The following COL18A1 variants were observed in gnomAD, a reference collection of about 807,000 sequenced individuals.
The protein encoded by COL18A1 is collagen alpha-1(XVIII) chain.
COL18A1 carries 133 observed loss-of-function variants against 168.0 expected under a neutral mutation model. That is an observed-to-expected ratio of 0.79 (90% CI 0.69 to 0.91). COL18A1 has a LOEUF of 0.91. Among genes scored for constraint, COL18A1 ranks in the 40% least tolerant of loss-of-function variants. COL18A1 has a pLI of 0.00. For synonymous variants in COL18A1, 949 were observed against 809.0 expected (o/e 1.17, Z -2.94); for missense variants, 2,126 against 1,925.4 (o/e 1.10, Z -1.95).
At position 45,468,369 on chromosome 21, in the gene COL18A1, A is replaced by G; in HGVS notation, c.234A>G (p.Gln78=). 1 of 1,613,846 alleles carries G rather than the reference A, an allele frequency of 6.2e-7. No individual in the cohort carries two copies. The highest frequency in any genetic ancestry group is 8.5e-7 in the Non-Finnish European group (1 of 1,180,046). The part of the protein sequence containing the change: ...YVFGPDANSG[Q]VARYHFPSLF... ...TTGGGCCAGATGCCAACAGTGGCCA[A>G]GTGGCCCGGTACCACTTCCCCAGCC... The change falls in exon 3 of 42, where the codon CAA becomes CAG. Residue 78 remains glutamine, a synonymous_variant. Transcript: ENST00000651438.
chr21:45,477,372 G>T (rs772118136), intron 6 of COL18A1, 39 bp from the exon 7 acceptor site: 2 of 1,562,810 alleles, frequency 1.3e-6, no homozygotes, highest in Admixed American at 3.5e-5. Context: ...GGGGCCACCC[G>T]GGGGGCGTGA....
chr21:45,498,060 C>T lies in COL18A1; in HGVS notation c.2683+399C>T, dbSNP rs1212651579. 6.6e-6 allele frequency: 4 copies of T among 607,200 alleles called. No individual in the cohort carries two copies. Among genetic ancestry groups the T allele is most frequent in the Non-Finnish European group, 1.2e-5 (4 of 342,866 alleles). 37.6% of individuals were successfully genotyped at this position (607,200 alleles called of 1,614,324 possible). On this transcript the variant is annotated intron_variant, in intron 32 of 41. Transcript: ENST00000651438. This position sits in a 1 kb window ranked among gnomAD's most constrained non-coding sequence, Gnocchi z 4.5. Reference sequence around the variant, plus strand: ...TCCAGGGTTTCATGTGGGAAGGAGGCGTTGCCCGACAGGCCGTCTGGAGGG... The same window carrying T: ...TCCAGGGTTTCATGTGGGAAGGAGGTGTTGCCCGACAGGCCGTCTGGAGGG...
intron 32 of COL18A1, among the ~76,000 whole-genome samples, chr21:45,499,115 G>A (rs940205352): frequency 9.2e-5 from 14 of 152,202 alleles, no homozygotes; most frequent in Admixed American, 3.3e-4. Flanking sequence ...TCAACAAAAC[G>A]GGAGAAGCCA....
In COL18A1 at chr21:45,511,188, C is replaced by T. The variant is rs1310158571; in HGVS notation, c.3771C>T (p.Phe1257=). 1 of 1,599,322 alleles carries T rather than the reference C, an allele frequency of 6.3e-7. No individual in the cohort carries two copies. Among genetic ancestry groups the T allele is most frequent in the South Asian group, 1.1e-5 (1 of 88,478 alleles). ...CGCTGAAGCCCGGGGCACGCATCTT[C>T]TCCTTTGACGGCAAGGACGTCCTGA... ...EGPLKPGARI[F]SFDGKDVLRH... is the part of the protein sequence containing the mutation. Residue 1257 remains phenylalanine, a synonymous_variant, in exon 41 of 42, where the codon TTC becomes TTT. Transcript: ENST00000651438.
chr21:45,511,685 C>T (rs969999669), intron 41 of COL18A1, among the ~76,000 whole-genome samples: 3 of 152,280 alleles, frequency 2.0e-5, no homozygotes, highest in Admixed American at 6.5e-5. Context: ...GTGAGCGCCG[C>T]GATTCTTCCA....
At position 45,509,536 on chromosome 21, in the gene COL18A1, G is replaced by A. The variant is rs747402422; in HGVS notation, c.3430G>A (p.Val1144Met). 26 of 1,538,600 alleles carry A rather than the reference G, an allele frequency of 1.7e-5. No homozygotes were observed. Among genetic ancestry groups the A allele is most frequent in the East Asian group, 1.2e-4 (5 of 41,666 alleles). ...CGGAGCCCCGCACCACAGCTCCTACGTGCACCTGCGGCCGGCGCGACCCAC... is the reference window on the plus strand; with the variant it reads ...CGGAGCCCCGCACCACAGCTCCTACATGCACCTGCGGCCGGCGCGACCCAC... ...YPGAPHHSSY[V>M]HLRPARPTSP... The change falls in exon 39 of 42, where the codon GTG (valine) becomes ATG (methionine). Residue 1144 changes from valine to methionine, a missense_variant. Transcript: ENST00000651438.
intron 2 of COL18A1, among the ~76,000 whole-genome samples, chr21:45,466,306 G>T (rs1402096841): frequency 6.6e-6 from 1 of 152,188 alleles, no homozygotes; most frequent in African/African-American, 2.4e-5. Context: ...ATTTAAAGGG[G>T]CCTCTGTTAA....
intron 2 of COL18A1, chr21:45,421,243 G>T: frequency 5.5e-6 from 2 of 365,416 alleles, no homozygotes; most frequent in South Asian, 4.1e-5. Flanking sequence ...CTTGCTTTGA[G>T]CCCCTTGCAA....
At chr21:45,452,865 T>C (rs539538633) in intron 2 of COL18A1, among the ~76,000 whole-genome samples, 2 of 152,354 alleles carry the variant, frequency 1.3e-5, no homozygotes, top group Admixed American at 1.3e-4. Flanking sequence ...GTGGGGCTTG[T>C]GTATGCATGT....
intron 2 of COL18A1, among the ~76,000 whole-genome samples, chr21:45,429,327 C>T (rs1043347784): frequency 6.6e-6 from 1 of 152,218 alleles, no homozygotes; most frequent in African/African-American, 2.4e-5. Context: ...CAGGCATGGG[C>T]GTTGCAGGTG....
intron 2 of COL18A1, among the ~76,000 whole-genome samples, chr21:45,462,497 C>T (rs1477305025): frequency 6.6e-6 from 1 of 152,166 alleles, no homozygotes; most frequent in East Asian, 1.9e-4. Flanking sequence ...TCTTCAAGCT[C>T]ATTAATTTAT....
At chr21:45,447,639 C>T (rs772804095) in intron 2 of COL18A1, among the ~76,000 whole-genome samples, 4 of 152,060 alleles carry the variant, frequency 2.6e-5, no homozygotes, top group Non-Finnish European at 5.9e-5. Context: ...TCAAAGTGAC[C>T]CCAATACTTA....
At chr21:45,489,394 G>A (rs1304742529) in intron 18 of COL18A1, 92 bp from the exon 19 acceptor site, 25 of 941,782 alleles carry the variant, frequency 2.7e-5, no homozygotes, top group Non-Finnish European at 3.9e-5. Context: ...ATGCATCCTG[G>A]GTAACTCACC....
In COL18A1 at chr21:45,498,699, C is replaced by A; in HGVS notation, c.2683+1038C>A. 3.1e-6 allele frequency: 2 copies of A among 645,656 alleles called. No individual in the cohort carries two copies. Among genetic ancestry groups the A allele is most frequent in the East Asian group, 2.7e-5 (1 of 36,688 alleles). 40.0% of individuals were successfully genotyped at this position (645,656 alleles called of 1,614,324 possible). A position where few individuals can be genotyped will look rare whatever the true frequency, so the allele number is the denominator to read the frequency against. On this transcript the variant is annotated intron_variant, in intron 32 of 41. Transcript: ENST00000651438. The surrounding 1 kb of genome is among the most constrained non-coding windows in gnomAD (Gnocchi z 4.5). The stretch of plus-strand genomic sequence containing the variant: ...TTGGATCTCTCAGCGTCACACACGA[C>A]GCCCAGGAAGGAGTGAATGATGCAC...
rs2036136020 is a variant in COL18A1, at chr21:45,486,965, C to T, written c.1806C>T (p.Pro602=). ...CAGGCCCCCCTGGGCCCCCTGGGCCCCCAGGACCAGGACTCCCCGCTGGAT... is the reference window on the plus strand; with the variant it reads ...CAGGCCCCCCTGGGCCCCCTGGGCCTCCAGGACCAGGACTCCCCGCTGGAT... ...GPPGPPGPPG[P]PGPGLPAGFD... is the part of the protein sequence containing the mutation. Residue 602 remains proline (P), a synonymous_variant, in exon 16 of 42, where the codon CCC becomes CCT. Transcript: ENST00000651438. 2.0e-6 allele frequency: 3 copies of T among 1,510,234 alleles called. No individual in the cohort carries two copies. The highest frequency in any genetic ancestry group is 1.3e-5 in the South Asian group (1 of 77,960). 93.6% of individuals were successfully genotyped at this position (1,510,234 alleles called of 1,614,324 possible).
chr21:45,501,743 A>G (rs1300781878), intron 32 of COL18A1, among the ~76,000 whole-genome samples: 32 of 99,120 alleles, frequency 3.2e-4, no homozygotes, highest in Admixed American at 7.0e-4. Flanking sequence ...CAGGGGCTCC[A>G]CAGCCGGTCA....
intron 5 of COL18A1, among the ~76,000 whole-genome samples, chr21:45,475,836 C>T (rs2035628355): frequency 6.6e-6 from 1 of 152,274 alleles, no homozygotes; most frequent in Non-Finnish European, 1.5e-5. Context: ...CCCTTCGCCC[C>T]ATCCCTCCGT....
chr21:45,477,474 G>T lies in COL18A1; in HGVS notation c.992G>T (p.Gly331Val). ...TWDGSVRTPG[G>V]RVKEGGLKGQ... ...GACGGGAGTGTCCGGACCCCTGGGG[G>T]CCGCGTGAAAGAGGTAAGGCCACCT... is the stretch of plus-strand genomic sequence containing the variant. The change falls in exon 7 of 42, where the codon GGC becomes GTC. Residue 331 changes from glycine to valine, a missense_variant. Coordinates refer to ENST00000651438, the MANE Select transcript of COL18A1 (RefSeq NM_001379500.1). The T allele has an allele frequency of 6.2e-7, 1 of 1,610,992 alleles. No individual in the cohort carries two copies.
rs191318842 is a variant in COL18A1, at chr21:45,425,278, C to T, written c.106+19805C>T. 7.0e-4 allele frequency among the ~76,000 whole-genome samples: 106 copies of T among 151,880 alleles called. No individual in the cohort carries two copies. The highest frequency in any genetic ancestry group is 1.8e-3 in the African/African-American group (76 of 41,460). Reference sequence around the variant, plus strand: ...CGGACACGCCTGTTGGAGCCCCGGCCGTGTGTGTGTGTGTGCTGTGAGTGC... The same window carrying T: ...CGGACACGCCTGTTGGAGCCCCGGCTGTGTGTGTGTGTGTGCTGTGAGTGC... On this transcript the variant is annotated intron_variant, in intron 2 of 41. Transcript: ENST00000651438. This position sits in a 1 kb window ranked among gnomAD's most constrained non-coding sequence, Gnocchi z 4.1.
Sources: gnomAD v4.1 joint callset for allele counts (sites outside exome capture counted in the v4.1 genomes callset) on GRCh38, gnomAD v4.1.1 for gene constraint, Gnocchi (gnomAD v3.1) non-coding constraint, MANE v1.5 for transcripts, NCBI Gene and HGNC (gene_info 2026-07-23, HGNC 2026-07-21) for gene names.